Variants in PAPPA2 observed in about 807,000 individuals in gnomAD.
The protein encoded by PAPPA2 is pappalysin 2.
A neutral mutation model predicts 176.4 loss-of-function variants in PAPPA2; 86 were observed. The ratio of observed to expected loss-of-function variants is 0.49; its 90% CI spans 0.41 to 0.58. The LOEUF (loss-of-function observed/expected upper bound fraction) is 0.58, where lower values mean the gene tolerates loss of function less well. Ranked by LOEUF, PAPPA2 falls within the 20% of genes least tolerant of loss-of-function variation. PAPPA2 has a pLI of 0.00. For missense variants in PAPPA2, 2,073 were observed against 2,256.9 expected (o/e 0.92, Z 1.65); for synonymous variants, 809 against 852.2 (o/e 0.95, Z 0.88).
In PAPPA2 at chr1:176,739,568, A is replaced by G; in HGVS notation, c.3799-58A>G. ...CTAAGAAGAATAAAAATTGTATAGC[A>G]CATGTCTTGATAGCTCAATGGAAAT... On this transcript the variant is annotated intron_variant, in intron 12 of 22. Coordinates refer to ENST00000367662, the MANE Select transcript of PAPPA2 (RefSeq NM_020318.3). 25 of 1,536,784 alleles carry G rather than the reference A, an allele frequency of 1.6e-5. 1 individual carries two copies. In the South Asian group the frequency reaches 3.0e-4, roughly 18 times the overall value.
intron 12 of PAPPA2, among the ~76,000 whole-genome samples, chr1:176,718,689 T>G (rs1266248183): frequency 6.6e-6 from 1 of 151,352 alleles, no homozygotes; most frequent in Non-Finnish European, 1.5e-5. Flanking sequence ...ATATGTGGAT[T>G]TGGGGTAACT....
At chr1:176,779,946 C>G (rs187998507) in intron 17 of PAPPA2, among the ~76,000 whole-genome samples, 1 of 152,322 alleles carries the variant, frequency 6.6e-6, no homozygotes, top group African/African-American at 2.4e-5. Flanking sequence ...AGCTCTTTTT[C>G]TTCCAGCCCA....
At chr1:176,498,239 T>C (rs552271511) in intron 1 of PAPPA2, among the ~76,000 whole-genome samples, 6 of 152,312 alleles carry the variant, frequency 3.9e-5, no homozygotes, top group Admixed American at 3.9e-4. Context: ...ACAGTGTCCT[T>C]TTCCTCGGGG....
chr1:176,675,397 G>C (rs1458519642), intron 4 of PAPPA2, among the ~76,000 whole-genome samples: 2 of 151,946 alleles, frequency 1.3e-5, no homozygotes, highest in Admixed American at 1.3e-4. Flanking sequence ...CTTTAATTAT[G>C]ATTAATATGT....
intron 1 of PAPPA2, among the ~76,000 whole-genome samples, chr1:176,508,509 C>T (rs550202887): frequency 6.6e-6 from 1 of 150,642 alleles, no homozygotes; most frequent in East Asian, 2.0e-4. Flanking sequence ...GCCAATTAGA[C>T]AATGTAGAAG....
intron 21 of PAPPA2, among the ~76,000 whole-genome samples, chr1:176,806,520 T>C (rs936729107): frequency 7.9e-5 from 12 of 152,040 alleles, no homozygotes; most frequent in African/African-American, 2.9e-4. Context: ...CTGTCATGAG[T>C]GGAATCAAAA....
At chr1:176,820,055 C>G (rs1666594260) in intron 21 of PAPPA2, among the ~76,000 whole-genome samples, 1 of 152,108 alleles carries the variant, frequency 6.6e-6, no homozygotes, top group Non-Finnish European at 1.5e-5. Context: ...AAATCCTCTA[C>G]CTTATTTGGC....
chr1:176,826,749 A>G (rs1666876329), intron 21 of PAPPA2, among the ~76,000 whole-genome samples: 1 of 152,246 alleles, frequency 6.6e-6, no homozygotes, highest in Non-Finnish European at 1.5e-5. Context: ...TGGGGATGAT[A>G]AAATAGTTAT....
intron 21 of PAPPA2, among the ~76,000 whole-genome samples, chr1:176,837,478 C>CAA (rs35134966): frequency 8.1e-4 from 77 of 94,752 alleles, no homozygotes; most frequent in East Asian, 1.6e-3. Context: ...TGTTAAAAGG[C>CAA]AAAAAAAAAA....
At chr1:176,514,490 C>T (rs1231586615) in intron 1 of PAPPA2, among the ~76,000 whole-genome samples, 1 of 152,130 alleles carries the variant, frequency 6.6e-6, no homozygotes, top group African/African-American at 2.4e-5. Flanking sequence ...ACTCCTGGAT[C>T]CCCCGGACCT....
chr1:176,678,973 G>C (rs868162328), intron 4 of PAPPA2, among the ~76,000 whole-genome samples: 1 of 152,052 alleles, frequency 6.6e-6, no homozygotes, highest in Non-Finnish European at 1.5e-5. Flanking sequence ...GGAAAGAATA[G>C]GTTGTATGAA....
chr1:176,623,758 C>CCTTCCTTCCTTCCTTT lies in PAPPA2; in HGVS notation c.1991+28166_1991+28167insCCTTCCTTCCTTTCTT, dbSNP rs1198828841. Among the ~76,000 whole-genome samples, 43 of 59,058 alleles carry CCTTCCTTCCTTCCTTT rather than the reference C, an allele frequency of 7.3e-4. 1 individual carries two copies. Among genetic ancestry groups the CCTTCCTTCCTTCCTTT allele is most frequent in the African/African-American group, 2.7e-3 (36 of 13,174 alleles). The allele number at this position is 59,058 out of a possible 152,430, so 38.7% of individuals were successfully genotyped here. On this transcript the variant is annotated intron_variant, in intron 3 of 22. Coordinates refer to ENST00000367662, the MANE Select transcript of PAPPA2 (RefSeq NM_020318.3). ...TTTCTTTCTCTCTCTTTCCTTCCTT[C>CCTTCCTTCCTTCCTTT]CTTTCTTTCTTTCTTTCTTTCTTTC... is the stretch of plus-strand genomic sequence containing the variant.
rs899213424 is a variant in PAPPA2, at chr1:176,466,147, T to C, written c.-917+2729T>C. Among the ~76,000 whole-genome samples, 3 of 152,186 alleles carry C rather than the reference T, an allele frequency of 2.0e-5. 1 individual carries two copies. The highest frequency in any genetic ancestry group is 1.3e-4 in the Admixed American group (2 of 15,276). On this transcript the variant is annotated intron_variant, in intron 1 of 22. Transcript: ENST00000367662. ...ATAATTCTTCAAACTTGAAGAATTA[T>C]TTTCTATATAAAAACTTCATATAGA...
At chr1:176,495,797 A>T (rs1171618444) in intron 1 of PAPPA2, among the ~76,000 whole-genome samples, 1 of 143,180 alleles carries the variant, frequency 7.0e-6, no homozygotes. Flanking sequence ...TTTTGGTGTG[A>T]ATTTTTTTTT....
At chr1:176,775,439 A>T (rs1412905638) in intron 17 of PAPPA2, among the ~76,000 whole-genome samples, 1 of 152,166 alleles carries the variant, frequency 6.6e-6, no homozygotes, top group African/African-American at 2.4e-5. Context: ...TTTTTCTAAC[A>T]ATTATCTCAA....
Position 176,695,738 on chromosome 1 carries a change from G to T in PAPPA2, c.2625G>T (p.Arg875Ser). 1 of 1,613,800 alleles carries T rather than the reference G, an allele frequency of 6.2e-7. No homozygotes were observed. Among genetic ancestry groups the T allele is most frequent in the Non-Finnish European group, 8.5e-7 (1 of 1,179,884 alleles). The change falls in exon 7 of 23, where the codon AGG becomes AGT. Residue 875 changes from arginine (R) to serine (S), a missense_variant and splice_region_variant. Coordinates refer to ENST00000367662, the MANE Select transcript of PAPPA2 (RefSeq NM_020318.3). Reference protein sequence around the residue: ...LPPISGVVYDRASGSLCGACT... With the variant: ...LPPISGVVYDSASGSLCGACT... ...CATCTCCATCCCTTTATCTCCCCAG[G>T]GCCTCAGGCAGCTTGTGTGGCGCTT...
chr1:176,466,735 G>A (rs1455670221), intron 1 of PAPPA2, among the ~76,000 whole-genome samples: 1 of 152,140 alleles, frequency 6.6e-6, no homozygotes, highest in Non-Finnish European at 1.5e-5. Context: ...CCTAGGGGTG[G>A]CCCTGTGTAT....
chr1:176,603,898 C>T (rs1291765378), intron 3 of PAPPA2, among the ~76,000 whole-genome samples: 1 of 152,180 alleles, frequency 6.6e-6, no homozygotes, highest in African/African-American at 2.4e-5. Flanking sequence ...TCCTCTCCCC[C>T]TAATTCTCCA....
At chr1:176,503,744 G>A (rs1317625405) in intron 1 of PAPPA2, among the ~76,000 whole-genome samples, 1 of 152,168 alleles carries the variant, frequency 6.6e-6, no homozygotes, top group Non-Finnish European at 1.5e-5. Flanking sequence ...TTAGGCAGAG[G>A]ATTGGCTCTT....
Sources: allele counts gnomAD v4.1 joint callset (sites outside exome capture counted in the v4.1 genomes callset), GRCh38; gene constraint gnomAD v4.1.1; transcripts MANE v1.5; gene names NCBI Gene and HGNC (gene_info 2026-07-23, HGNC 2026-07-21).